JAKMIP3: variants seen among roughly 807,000 people sequenced by gnomAD.
JAKMIP3 encodes the protein janus kinase and microtubule-interacting protein 3.
In JAKMIP3, 58 loss-of-function variants were observed where a neutral mutation model predicts 118.5. The observed-to-expected ratio is 0.49, with a 90% CI of 0.40 to 0.61. The LOEUF is 0.61. Ranked by LOEUF, JAKMIP3 falls within the 20% of genes least tolerant of loss-of-function variation. The pLI is 0.00. For missense variants in JAKMIP3, 950 were observed against 1,109.0 expected, an observed-to-expected ratio of 0.86 and a Z score of 2.04; for synonymous variants, 486 against 451.2, an observed-to-expected ratio of 1.08 and a Z score of -0.98.
chr10:132,070,850 G>A (rs11146145), intron 1 of JAKMIP3, among the ~76,000 whole-genome samples: 57,547 of 152,052 alleles, frequency 0.38, 11,267 homozygotes, highest in Admixed American at 0.55. Flanking sequence ...TGACAGCCAC[G>A]CTCAGACACA....
In JAKMIP3 at chr10:132,148,055, C is replaced by CTGAG; in HGVS notation, c.1848+8_1848+11dup. ...TTCAGGATCCTGGAGCTTGAGGTAGCTGAGTGGATGGCCAGCACTGTGGCC... is the reference window on the plus strand; with the variant it reads ...TTCAGGATCCTGGAGCTTGAGGTAGCTGAGTGAGTGGATGGCCAGCACTGTGGCC... On this transcript the variant is annotated splice_donor_region_variant and intron_variant, in intron 14 of 23. Transcript: ENST00000684848. The CTGAG allele has an allele frequency of 6.3e-7, 1 of 1,595,568 alleles. No homozygotes were observed. Among genetic ancestry groups the CTGAG allele is most frequent in the Non-Finnish European group, 8.6e-7 (1 of 1,168,008 alleles).
At position 132,117,685 on chromosome 10, in the gene JAKMIP3, G is replaced by A. The variant is rs573015497; in HGVS notation, c.633+111G>A. On this transcript the variant is annotated intron_variant, in intron 3 of 23. Transcript: ENST00000684848. This position sits in a 1 kb window ranked among gnomAD's most constrained non-coding sequence, Gnocchi z 8.6. ...CAGGCGTGGGCTCGGGGAGCACGCG[G>A]GCAGCACCGGCTTCACCCCCCATGA... The A allele has an allele frequency of 1.6e-5, 19 of 1,194,928 alleles. No individual in the cohort carries two copies. The East Asian group carries it at 2.4e-4, about 15-fold the overall frequency. The allele number at this position is 1,194,928 out of a possible 1,614,324, so 74.0% of individuals were successfully genotyped here. A position where few individuals can be genotyped will look rare whatever the true frequency, so the allele number is the denominator to read the frequency against.
intron 5 of JAKMIP3, 24 bp downstream of exon 5, chr10:132,135,184 G>T (rs770622840): frequency 1.0e-5 from 16 of 1,582,894 alleles, no homozygotes; most frequent in Non-Finnish European, 1.7e-6. Context: ...GGGGCTTCTG[G>T]CTCCTGGGGG....
At chr10:132,069,625 G>A (rs558260736) in intron 1 of JAKMIP3, among the ~76,000 whole-genome samples, 7 of 152,242 alleles carry the variant, frequency 4.6e-5, no homozygotes, top group African/African-American at 1.7e-4. Context: ...TGTGTCCAGC[G>A]GCCATGTCCA....
At chr10:132,060,758 G>A (rs149531663), upstream of JAKMIP3, among the ~76,000 whole-genome samples, 3 of 152,324 alleles carry the variant, frequency 2.0e-5, no homozygotes, top group East Asian at 1.9e-4. Flanking sequence ...AGTGGCTCAC[G>A]CCTGTAATCC....
intron 1 of JAKMIP3, among the ~76,000 whole-genome samples, chr10:132,075,345 A>G (rs550277852): frequency 3.9e-4 from 56 of 144,854 alleles, no homozygotes; most frequent in African/African-American, 1.4e-3. Flanking sequence ...TCTTGAAGAA[A>G]TAATGCTCCC....
chr10:132,078,153 T>C (rs766768608), intron 1 of JAKMIP3, among the ~76,000 whole-genome samples: 1 of 151,542 alleles, frequency 6.6e-6, no homozygotes, highest in Non-Finnish European at 1.5e-5. Flanking sequence ...TGTTTGTAAA[T>C]TACCTCTTTT....
intron 1 of JAKMIP3, among the ~76,000 whole-genome samples, chr10:132,080,742 A>T (rs1264350669): frequency 6.6e-6 from 1 of 151,378 alleles, no homozygotes; most frequent in East Asian, 1.9e-4. Flanking sequence ...CTGGTCTCGA[A>T]CTCCCAACCT....
At chr10:132,159,032 G>GGCC (rs771504834) in intron 19 of JAKMIP3, among the ~76,000 whole-genome samples, 19 of 76,968 alleles carry the variant, frequency 2.5e-4, no homozygotes, top group African/African-American at 9.4e-4. Flanking sequence ...GCTGGGGGGG[G>GGCC]TCTCTTCCTG....
chr10:132,161,982 T>G lies in JAKMIP3; in HGVS notation c.2221-1227T>G, dbSNP rs2058397458. Among the ~76,000 whole-genome samples, 2 of 147,732 alleles carry G rather than the reference T, an allele frequency of 1.4e-5. 1 individual carries two copies. The highest frequency in any genetic ancestry group is 4.5e-4 in the South Asian group (2 of 4,492). On this transcript the variant is annotated intron_variant, in intron 19 of 23. Coordinates refer to ENST00000684848, the MANE Select transcript of JAKMIP3 (RefSeq NM_001323087.2). ...TTGGGATGCTCCGAGTTTTCTGAGT[T>G]CACTGTTGATTTCCTTCCCTTTCCC...
intron 21 of JAKMIP3, among the ~76,000 whole-genome samples, chr10:132,165,487 A>T (rs1009499803): frequency 6.6e-6 from 1 of 152,156 alleles, no homozygotes; most frequent in African/African-American, 2.4e-5. Flanking sequence ...TAAATCTGCT[A>T]TGCGGTGGAG....
chr10:132,179,860 T>A lies in JAKMIP3; in HGVS notation c.*1104-2497T>A, dbSNP rs1034371585. Among the ~76,000 whole-genome samples, 1 of 152,182 alleles carries A rather than the reference T, an allele frequency of 6.6e-6. No individual in the cohort carries two copies. Among genetic ancestry groups the A allele is most frequent in the African/African-American group, 2.4e-5 (1 of 41,430 alleles). ...AAGGGAAGAGTTCACAGGCACAGCC[T>A]GGAGAGGCCTGTGAGCAGACTTCCT... On this transcript the variant is annotated intron_variant, in intron 23 of 23. Coordinates refer to ENST00000684848, the MANE Select transcript of JAKMIP3 (RefSeq NM_001323087.2). This position sits in a 1 kb window ranked among gnomAD's most constrained non-coding sequence, Gnocchi z 4.3.
At chr10:132,077,965 C>A (rs1309525006) in intron 1 of JAKMIP3, among the ~76,000 whole-genome samples, 1 of 152,200 alleles carries the variant, frequency 6.6e-6, no homozygotes, top group Non-Finnish European at 1.5e-5. Context: ...GCATGTGCCA[C>A]CACACCTGGC....
chr10:132,069,400 G>C (rs551646107), intron 1 of JAKMIP3, among the ~76,000 whole-genome samples: 7 of 152,292 alleles, frequency 4.6e-5, no homozygotes, highest in African/African-American at 1.7e-4. Context: ...TCCTGATGGT[G>C]GTGGGGTGGG....
At chr10:132,088,395 C>T (rs1284655096) in intron 1 of JAKMIP3, among the ~76,000 whole-genome samples, 1 of 152,148 alleles carries the variant, frequency 6.6e-6, no homozygotes, top group Non-Finnish European at 1.5e-5. Flanking sequence ...TTAATGATTG[C>T]CATTCTAACT....
intron 1 of JAKMIP3, among the ~76,000 whole-genome samples, chr10:132,055,738 C>T (rs141619273): frequency 4.6e-5 from 7 of 152,284 alleles, no homozygotes; most frequent in Non-Finnish European, 7.4e-5. Flanking sequence ...TGAGCTGCCC[C>T]GTGGTGTCCT....
chr10:132,161,482 G>T (rs1464777785), intron 19 of JAKMIP3, among the ~76,000 whole-genome samples: 1 of 77,860 alleles, frequency 1.3e-5, no homozygotes, highest in African/African-American at 5.1e-5. Flanking sequence ...GCCTCTTCCT[G>T]TGTGATGCTG....
chr10:132,036,815 C>T (rs2037515929), intron 1 of JAKMIP3, among the ~76,000 whole-genome samples: 1 of 151,628 alleles, frequency 6.6e-6, no homozygotes, highest in South Asian at 2.1e-4. Flanking sequence ...GTCCGGGACG[C>T]GGGCGCCCTG....
intron 1 of JAKMIP3, among the ~76,000 whole-genome samples, chr10:132,068,699 G>T (rs940593901): frequency 6.6e-6 from 1 of 152,136 alleles, no homozygotes; most frequent in Non-Finnish European, 1.5e-5. Flanking sequence ...AACCTGTGCT[G>T]CAGGCAAGGG....
Sources: gnomAD v4.1 joint callset for allele counts (sites outside exome capture counted in the v4.1 genomes callset) on GRCh38, gnomAD v4.1.1 for gene constraint, Gnocchi (gnomAD v3.1) non-coding constraint, MANE v1.5 for transcripts, NCBI Gene and HGNC (gene_info 2026-07-23, HGNC 2026-07-21) for gene names.